GLIS3: variants seen among roughly 807,000 people sequenced by gnomAD.
GLIS3 encodes the protein zinc finger protein GLIS3.
GLIS3 carries 53 observed loss-of-function variants against 78.6 expected under a neutral mutation model. The observed-to-expected ratio is 0.67, with a 90% CI of 0.54 to 0.85. GLIS3 has a LOEUF of 0.85. Among genes scored for constraint, GLIS3 ranks in the 40% least tolerant of loss-of-function variants. The pLI is 0.00. For missense variants in GLIS3, 1,703 were observed against 1,231.1 expected, an observed-to-expected ratio of 1.38 and a Z score of -5.74; for synonymous variants, 684 against 509.9, an observed-to-expected ratio of 1.34 and a Z score of -4.60.
chr9:4,314,229 A>G (rs1051940625), intron 2 of GLIS3, among the ~76,000 whole-genome samples: 7 of 152,210 alleles, frequency 4.6e-5, no homozygotes, highest in African/African-American at 1.7e-4. Context: ...TAAGCACTCA[A>G]ATGTGAGCTG....
intron 4 of GLIS3, among the ~76,000 whole-genome samples, chr9:3,944,945 C>G (rs1426408455): frequency 6.6e-6 from 1 of 152,216 alleles, no homozygotes; most frequent in Non-Finnish European, 1.5e-5. Context: ...GGGCAGAACA[C>G]AAGAGGTGGC....
the GLIS3 span, among the ~76,000 whole-genome samples, chr9:4,432,705 A>G: frequency 6.7e-6 from 1 of 148,380 alleles, no homozygotes; most frequent in Non-Finnish European, 1.5e-5. Context: ...CAGTGGCACA[A>G]TCTTGGCTCA....
At chr9:4,401,546 G>A in the GLIS3 span, among the ~76,000 whole-genome samples, 3 of 149,902 alleles carry the variant, frequency 2.0e-5, no homozygotes, top group Admixed American at 6.7e-5. Flanking sequence ...TTACCGGTGT[G>A]AGCCACCGTG....
chr9:3,838,847 G>A (rs1033771769), intron 9 of GLIS3, among the ~76,000 whole-genome samples: 1 of 152,090 alleles, frequency 6.6e-6, no homozygotes, highest in African/African-American at 2.4e-5. Flanking sequence ...TGCTCTCTGG[G>A]GACCCTTGAC....
At chr9:4,309,995 C>T (rs1294150187) in intron 3 of GLIS3, among the ~76,000 whole-genome samples, 3 of 152,170 alleles carry the variant, frequency 2.0e-5, no homozygotes, top group Non-Finnish European at 2.9e-5. Context: ...ACTGTCTGAA[C>T]GCAAACAGCA....
intron 2 of GLIS3, among the ~76,000 whole-genome samples, chr9:4,173,589 CACACACACACACAT>C (rs1472734107): frequency 9.6e-5 from 11 of 114,664 alleles, no homozygotes; most frequent in African/African-American, 3.2e-4. Flanking sequence ...CACACACACA[CACACACACACACAT>C]ATATATGTTT....
intron 4 of GLIS3, among the ~76,000 whole-genome samples, chr9:3,966,789 A>G (rs1173839853): frequency 6.6e-6 from 1 of 151,900 alleles, no homozygotes; most frequent in Admixed American, 6.6e-5. Context: ...AAAAACAAAA[A>G]ACAAAAAACC....
At chr9:4,444,732 T>A in the GLIS3 span, among the ~76,000 whole-genome samples, 1 of 152,218 alleles carries the variant, frequency 6.6e-6, no homozygotes, top group African/African-American at 2.4e-5. Context: ...GGCATTTGCA[T>A]GCCTTACACA....
At chr9:4,093,162 C>G (rs955713304) in intron 4 of GLIS3, among the ~76,000 whole-genome samples, 1 of 151,934 alleles carries the variant, frequency 6.6e-6, no homozygotes, top group Non-Finnish European at 1.5e-5. Context: ...GGAAAAGTAA[C>G]ATGCTGGCCT....
At chr9:4,250,029 T>G (rs958551824) in intron 2 of GLIS3, among the ~76,000 whole-genome samples, 3 of 152,374 alleles carry the variant, frequency 2.0e-5, no homozygotes, top group Admixed American at 1.3e-4. Flanking sequence ...GCCAGTATTT[T>G]ATTGAGGATC....
At chr9:3,953,599 G>A (rs1032936592) in intron 4 of GLIS3, among the ~76,000 whole-genome samples, 2 of 152,044 alleles carry the variant, frequency 1.3e-5, no homozygotes, top group African/African-American at 4.8e-5. Context: ...TGTACAAATG[G>A]TTTCGCCTCA....
chr9:3,991,249 C>T (rs1820208216), intron 4 of GLIS3, among the ~76,000 whole-genome samples: 2 of 151,854 alleles, frequency 1.3e-5, no homozygotes, highest in South Asian at 2.1e-4. Flanking sequence ...CAAATGGGTA[C>T]AATAGTAGCC....
rs568125371 is a variant in GLIS3 at position 3,971,044 on chromosome 9, A to G, written c.1711-33855T>C. ...GGAGGATCGATCAAAGGAAAGAAGG[A>G]AGGATCGAAGGAAGGAAGGAAGGAT... On this transcript the variant is annotated intron_variant, in intron 4 of 10. Transcript: ENST00000381971. 4.2e-5 allele frequency among the ~76,000 whole-genome samples: 5 copies of G among 117,842 alleles called. No individual in the cohort carries two copies. The East Asian group carries it at 1.3e-3, about 30-fold the overall frequency. The allele number at this position is 117,842 out of a possible 152,430, so 77.3% of individuals were successfully genotyped here.
At chr9:4,250,669 G>T (rs957309527) in intron 2 of GLIS3, among the ~76,000 whole-genome samples, 9 of 152,042 alleles carry the variant, frequency 5.9e-5, no homozygotes, top group Non-Finnish European at 1.2e-4. Flanking sequence ...GAATTTGTTT[G>T]CTCTTGCTTC....
intron 2 of GLIS3, among the ~76,000 whole-genome samples, chr9:4,142,304 CT>C: frequency 6.6e-6 from 1 of 152,276 alleles, no homozygotes; most frequent in East Asian, 1.9e-4. Context: ...AAGTTGATAG[CT>C]TATTCCCTGA....
intron 4 of GLIS3, among the ~76,000 whole-genome samples, chr9:4,006,572 C>CT (rs1821570916): frequency 6.6e-6 from 1 of 152,148 alleles, no homozygotes; most frequent in African/African-American, 2.4e-5. Flanking sequence ...GACGACCAAA[C>CT]ACCTAGCCCT....
chr9:4,342,897 G>C (rs1338126891), intron 2 of GLIS3, among the ~76,000 whole-genome samples: 3 of 152,122 alleles, frequency 2.0e-5, no homozygotes, highest in Non-Finnish European at 4.4e-5. Context: ...CTCTCAGCTT[G>C]GGCATTTTTG....
chr9:4,215,652 A>G (rs1178528055), intron 2 of GLIS3, among the ~76,000 whole-genome samples: 5 of 152,184 alleles, frequency 3.3e-5, no homozygotes, highest in Non-Finnish European at 7.3e-5. Flanking sequence ...TTCCCATGCA[A>G]TGAATGTTCC....
At chr9:3,888,357 C>A (rs1451573825) in intron 7 of GLIS3, among the ~76,000 whole-genome samples, 1 of 152,180 alleles carries the variant, frequency 6.6e-6, no homozygotes, top group Non-Finnish European at 1.5e-5. Flanking sequence ...CATGCTGAGA[C>A]AATCCCACCC....
Sources: gnomAD v4.1 joint callset for allele counts (sites outside exome capture counted in the v4.1 genomes callset) on GRCh38, gnomAD v4.1.1 for gene constraint, MANE v1.5 for transcripts, NCBI Gene and HGNC (gene_info 2026-07-23, HGNC 2026-07-21) for gene names.